Variants in FCSK observed in about 807,000 individuals in gnomAD.
FCSK encodes fucose kinase.
In FCSK, 123 loss-of-function variants were observed where a neutral mutation model predicts 122.5. The ratio of observed to expected loss-of-function variants is 1.00; its 90% CI spans 0.87 to 1.17. The LOEUF (loss-of-function observed/expected upper bound fraction) is 1.17, where lower values mean the gene tolerates loss of function less well. Ranked by LOEUF, FCSK falls within the 50% of genes most tolerant of loss-of-function variation. FCSK has a pLI of 0.00. For missense variants in FCSK, 1,366 were observed against 1,450.4 expected (o/e 0.94, Z 0.95); for synonymous variants, 620 against 625.5 (o/e 0.99, Z 0.13).
chr16:70,470,419 A>C lies in FCSK; in HGVS notation c.1061A>C (p.Gln354Pro), dbSNP rs762932878. The C allele has an allele frequency of 6.2e-7, 1 of 1,606,854 alleles. No individual in the cohort carries two copies. ...GAPGAQIVHSQVEEQQLLAAG... is the reference protein window; with the variant it reads ...GAPGAQIVHSPVEEQQLLAAG... ...CCTGGGGCCCAGATTGTGCACTCCC[A>C]GGTGGAGGTGAGACCTCCCTGCCCC... The change falls in exon 11 of 24, where the codon CAG becomes CCG. Residue 354 changes from glutamine to proline, a missense_variant. Gln to Pro is a moderately conservative substitution (Grantham distance 76). Transcript: ENST00000288078.
Position 70,459,236 on chromosome 16 carries a change from A to AG in FCSK, c.-22-3933_-22-3932insG, listed in dbSNP as rs889099284. Among the ~76,000 whole-genome samples the AG allele has an allele frequency of 1.8e-4, 27 of 151,724 alleles. 1 individual carries two copies. In the South Asian group the frequency reaches 2.1e-3, roughly 12 times the overall value. ...AGACCCTGTCTTTAAAAAAAAAAAA[A>AG]AAAGTAAAAAAGACAATAAAAAAAG... On this transcript the variant is annotated intron_variant, in intron 1 of 23. Transcript: ENST00000288078.
In FCSK at chr16:70,472,568, G is replaced by T; in HGVS notation, c.1369G>T (p.Val457Leu). ...ACAGGGGGCAGGCACATATCTCAAC[G>T]TGCCCTGGAGTGAATTCTTCAAGAG... ...ERQGAGTYLN[V>L]PWSEFFKRTG... The change falls in exon 14 of 24, where the codon GTG becomes TTG. Residue 457 changes from valine to leucine, a missense_variant. Transcript: ENST00000288078. 1 of 1,613,034 alleles carries T rather than the reference G, an allele frequency of 6.2e-7. No individual in the cohort carries two copies. Among genetic ancestry groups the T allele is most frequent in the Non-Finnish European group, 8.5e-7 (1 of 1,179,502 alleles).
In FCSK at chr16:70,476,597, C is replaced by T. The variant is rs113832104; in HGVS notation, c.2641+830C>T. ...ACCCATGGCCAGTGTAGAGCAGCTA[C>T]AGCTTGTCTGGTTTCAGGTCCACCT... On this transcript the variant is annotated intron_variant, in intron 20 of 23. Transcript: ENST00000288078. 9.9e-5 allele frequency among the ~76,000 whole-genome samples: 15 copies of T among 152,104 alleles called. 1 individual carries two copies. The highest frequency in any genetic ancestry group is 3.6e-4 in the African/African-American group (15 of 41,490).
rs1208263864 is a variant in FCSK, at chr16:70,454,610, C to T, written c.-43C>T. 2 of 152,174 alleles carry T rather than the reference C, an allele frequency of 1.3e-5. No homozygotes were observed. The highest frequency in any genetic ancestry group is 4.8e-5 in the African/African-American group (2 of 41,446). 9.4% of individuals were successfully genotyped at this position (152,174 alleles called of 1,614,324 possible). A position where few individuals can be genotyped will look rare whatever the true frequency, so the allele number is the denominator to read the frequency against. ...GCCTCGCGTTAAAGAGCCCGCTCCGCCGAGCGCCGGGCGACGGCAGGTACG... is the reference window on the plus strand; with the variant it reads ...GCCTCGCGTTAAAGAGCCCGCTCCGTCGAGCGCCGGGCGACGGCAGGTACG... On this transcript the variant is annotated 5_prime_UTR_variant, in exon 1 of 24. Coordinates refer to ENST00000288078, the MANE Select transcript of FCSK (RefSeq NM_145059.3).
At position 70,474,358 on chromosome 16, in the gene FCSK, C is replaced by A; in HGVS notation, c.1988+19C>A. The A allele has an allele frequency of 6.2e-7, 1 of 1,609,852 alleles. No homozygotes were observed. The highest frequency in any genetic ancestry group is 1.1e-5 in the South Asian group (1 of 90,270). On this transcript the variant is annotated intron_variant, in intron 16 of 23. Transcript: ENST00000288078. ...TAAGCAGGTGTGTACTAATGGAGGTCAGATCCCTTGGATAAGCCCCTTGCT... is the reference window on the plus strand; with the variant it reads ...TAAGCAGGTGTGTACTAATGGAGGTAAGATCCCTTGGATAAGCCCCTTGCT...
chr16:70,471,781 C>T (rs543186146), intron 13 of FCSK, among the ~76,000 whole-genome samples: 211 of 150,120 alleles, frequency 1.4e-3, no homozygotes, highest in African/African-American at 4.4e-3. Context: ...GATGGGGTTT[C>T]GCCATGCTAG....
intron 10 of FCSK, 81 bp from the exon 11 acceptor site, chr16:70,470,233 T>C: frequency 1.1e-6 from 1 of 902,004 alleles, no homozygotes; most frequent in Non-Finnish European, 1.8e-6. Flanking sequence ...CCTGCCCCCA[T>C]GTGTCTCTGC....
At position 70,467,459 on chromosome 16, in the gene FCSK, A is replaced by G. The variant is rs900003508; in HGVS notation, c.570A>G (p.Leu190=). 1 of 1,602,686 alleles carries G rather than the reference A, an allele frequency of 6.2e-7. No individual in the cohort carries two copies. The highest frequency in any genetic ancestry group is 8.5e-7 in the Non-Finnish European group (1 of 1,175,310). ...ACGCTCAGAATCATGGCGTCTACCTAACTGACCCCCAGGTAGTGCCCCTGG... is the reference window on the plus strand; with the variant it reads ...ACGCTCAGAATCATGGCGTCTACCTGACTGACCCCCAGGTAGTGCCCCTGG... ...PAYAQNHGVY[L]TDPQGLVLDI... is the part of the protein sequence containing the mutation. The change falls in exon 7 of 24, where the codon CTA becomes CTG. Residue 190 remains leucine (L), a synonymous_variant. Coordinates refer to ENST00000288078, the MANE Select transcript of FCSK (RefSeq NM_145059.3).
intron 22 of FCSK, 140 bp downstream of exon 22, chr16:70,478,790 T>C (rs1285508215): frequency 1.1e-5 from 8 of 751,508 alleles, no homozygotes; most frequent in Non-Finnish European, 1.9e-5. Flanking sequence ...CTGTCTGTCC[T>C]CTCCAGGGTC....
At chr16:70,465,282 A>T in intron 4 of FCSK, 106 bp downstream of exon 4, 1 of 1,120,988 alleles carries the variant, frequency 8.9e-7, no homozygotes, top group East Asian at 2.5e-5. Context: ...GCAAGATGAA[A>T]TCTGAAAGAT....
chr16:70,466,118 C>A lies in FCSK; in HGVS notation c.286-14C>A, dbSNP rs748751239. 4 of 1,612,424 alleles carry A rather than the reference C, an allele frequency of 2.5e-6. No individual in the cohort carries two copies. The South Asian group carries it at 3.3e-5, about 13-fold the overall frequency. Reference sequence around the variant, plus strand: ...TGTGCACTGAGGCTTCCTCACCAGTCCCCCGACTTCCAGGGTCGAGACTTC... The same window carrying A: ...TGTGCACTGAGGCTTCCTCACCAGTACCCCGACTTCCAGGGTCGAGACTTC... On this transcript the variant is annotated splice_polypyrimidine_tract_variant and intron_variant, in intron 4 of 23. Transcript: ENST00000288078.
intron 5 of FCSK, 40 bp from the exon 6 acceptor site, chr16:70,466,840 TGG>T (rs1349115451): frequency 6.3e-7 from 1 of 1,584,262 alleles, no homozygotes. Flanking sequence ...GGTGAAGGCC[TGG>T]GCCAGGCACC....
rs545076822 is a variant in FCSK, at chr16:70,454,622, C to G, written c.-31C>G. ...AGAGCCCGCTCCGCCGAGCGCCGGG[C>G]GACGGCAGGTACGTCAGTCCGCGAG... On this transcript the variant is annotated 5_prime_UTR_variant, in exon 1 of 24. Transcript: ENST00000288078. 2.0e-5 allele frequency: 3 copies of G among 152,124 alleles called. No homozygotes were observed. The highest frequency in any genetic ancestry group is 2.9e-5 in the Non-Finnish European group (2 of 68,022). The allele number at this position is 152,124 out of a possible 1,614,324, so 9.4% of individuals were successfully genotyped here. A position where few individuals can be genotyped will look rare whatever the true frequency, so the allele number is the denominator to read the frequency against.
chr16:70,469,078 C>T (rs1262385256), intron 9 of FCSK, 74 bp from the exon 10 acceptor site: 12 of 1,607,650 alleles, frequency 7.5e-6, no homozygotes, highest in Non-Finnish European at 1.0e-5. Flanking sequence ...GACGGGACTG[C>T]CCTGGTTCAG....
chr16:70,474,765 C>T, intron 17 of FCSK, 25 bp from the exon 18 acceptor site: 1 of 1,556,300 alleles, frequency 6.4e-7, no homozygotes, highest in Non-Finnish European at 8.7e-7. Context: ...CTGTGACCAG[C>T]TTGAGTCTTG....
chr16:70,470,461 T>C (rs1271803411), intron 11 of FCSK, 35 bp downstream of exon 11: 2 of 1,346,616 alleles, frequency 1.5e-6, no homozygotes, highest in African/African-American at 2.9e-5. Context: ...GCCTGCTGGT[T>C]GTCTGGGGTC....
In FCSK at chr16:70,474,260, C is replaced by T; in HGVS notation, c.1909C>T (p.Pro637Ser). The T allele has an allele frequency of 6.2e-7, 1 of 1,612,710 alleles. No individual in the cohort carries two copies. Among genetic ancestry groups the T allele is most frequent in the Non-Finnish European group, 8.5e-7 (1 of 1,179,734 alleles). ...AGCTGCCAACCCTGAGTGGATGCGG[C>T]CCTTCTCATACCTGGAGTGTGGAGA... ...GPAANPEWMR[P>S]FSYLECGDLA... is the part of the protein sequence containing the mutation. The change falls in exon 16 of 24, where the codon CCC (proline) becomes TCC (serine). Residue 637 changes from proline (P) to serine (S), a missense_variant. Coordinates refer to ENST00000288078, the MANE Select transcript of FCSK (RefSeq NM_145059.3).
chr16:70,478,673 G>A (rs747348766), intron 22 of FCSK, 23 bp downstream of exon 22: 1 of 1,598,360 alleles, frequency 6.3e-7, no homozygotes, highest in South Asian at 1.1e-5. Flanking sequence ...CTCTGGGGGG[G>A]TCAGGGCACT....
chr16:70,464,105 C>T (rs927819532), intron 3 of FCSK, among the ~76,000 whole-genome samples: 16 of 152,196 alleles, frequency 1.1e-4, no homozygotes, highest in Non-Finnish European at 2.2e-4. Context: ...CTGCGGCTGC[C>T]TGCTTTGGGC....
Sources: allele counts gnomAD v4.1 joint callset (sites outside exome capture counted in the v4.1 genomes callset), GRCh38; gene constraint gnomAD v4.1.1; transcripts MANE v1.5; gene names NCBI Gene and HGNC (gene_info 2026-07-23, HGNC 2026-07-21).